MAPKAPK2: variants seen among roughly 807,000 people sequenced by gnomAD.
MAPKAPK2 encodes the protein MAPK activated protein kinase 2, also known as MAP kinase-activated protein kinase 2.
In MAPKAPK2, 9 loss-of-function variants were observed where a neutral mutation model predicts 48.8. The ratio of observed to expected loss-of-function variants is 0.18; its 90% CI spans 0.11 to 0.32. MAPKAPK2 has a LOEUF of 0.32. Ranked by LOEUF, MAPKAPK2 falls within the 10% of genes least tolerant of loss-of-function variation. MAPKAPK2 has a pLI of 1.00. For synonymous variants in MAPKAPK2, 202 were observed against 190.6 expected (o/e 1.06, Z -0.49); for missense variants, 331 against 498.3 (o/e 0.66, Z 3.20).
intron 5 of MAPKAPK2, 71 bp downstream of exon 5, chr1:206,730,169 TG>T: frequency 1.9e-6 from 3 of 1,581,980 alleles, no homozygotes; most frequent in Non-Finnish European, 2.6e-6. Flanking sequence ...CTTGGCTATC[TG>T]GGGGGCCGCA....
At chr1:206,729,611 G>C in intron 4 of MAPKAPK2, 136 bp downstream of exon 4, 1 of 791,270 alleles carries the variant, frequency 1.3e-6, no homozygotes, top group Non-Finnish European at 2.1e-6. Context: ...CTGCCTTGTA[G>C]GGCCTTGCCC....
rs534626664 is a variant in MAPKAPK2 at position 206,696,184 on chromosome 1, C to A, written c.279+10676C>A. Reference sequence around the variant, plus strand: ...GAAGGATGCAAAGATATGGCAGACACCAAATACATTCTCTCCTTCAGCCAC... The same window carrying A: ...GAAGGATGCAAAGATATGGCAGACAACAAATACATTCTCTCCTTCAGCCAC... On this transcript the variant is annotated intron_variant, in intron 1 of 9. Coordinates refer to ENST00000367103, the MANE Select transcript of MAPKAPK2 (RefSeq NM_032960.4). 5.0e-5 allele frequency: 78 copies of A among 1,553,626 alleles called. 1 individual carries two copies. In the East Asian group the frequency reaches 1.7e-3, roughly 33 times the overall value.
Position 206,728,736 on chromosome 1 carries a change from C to T in MAPKAPK2, c.306C>T (p.Arg102=), listed in dbSNP as rs782459290. ...LKMLQDCPKA[R]REVELHWRAS... is the part of the protein sequence containing the mutation. ...TGCTTCAGGACTGCCCCAAGGCCCG[C>T]AGGGAGGTGGAGCTGCACTGGCGGG... The change falls in exon 2 of 10, where the codon CGC becomes CGT. Residue 102 remains arginine (R), a synonymous_variant. Transcript: ENST00000367103. 3 of 1,614,118 alleles carry T rather than the reference C, an allele frequency of 1.9e-6. No homozygotes were observed. The highest frequency in any genetic ancestry group is 2.5e-6 in the Non-Finnish European group (3 of 1,180,020).
chr1:206,727,905 G>A (rs1673756581), intron 1 of MAPKAPK2, among the ~76,000 whole-genome samples: 1 of 152,150 alleles, frequency 6.6e-6, no homozygotes, highest in Admixed American at 6.5e-5. Context: ...TTACAGGCAC[G>A]AGCCACCGTG....
intron 1 of MAPKAPK2, among the ~76,000 whole-genome samples, chr1:206,697,104 T>C (rs1672652148): frequency 6.6e-6 from 1 of 152,256 alleles, no homozygotes; most frequent in African/African-American, 2.4e-5. Flanking sequence ...TCCTTCTCCC[T>C]GTTCCAAGGC....
rs1553432755 is a variant in MAPKAPK2 at position 206,731,880 on chromosome 1, G to A, written c.1020G>A (p.Arg340=). 6.2e-7 allele frequency: 1 copy of A among 1,614,162 alleles called. No homozygotes were observed. Residue 340 remains arginine (R), a synonymous_variant, in exon 9 of 10, where the codon CGG becomes CGA. Coordinates refer to ENST00000367103, the MANE Select transcript of MAPKAPK2 (RefSeq NM_032960.4). The surrounding 1 kb of genome is among the most constrained non-coding windows in gnomAD (Gnocchi z 5.9). ...KVPQTPLHTS[R]VLKEDKERWE... is the part of the protein sequence containing the mutation. ...CTCAAACCCCACTGCACACCAGCCG[G>A]GTCCTGAAGGAGGACAAGGAGCGGT...
rs1553432743 is a variant in MAPKAPK2, at chr1:206,731,809, T to G, written c.979-30T>G. 1.2e-6 allele frequency: 2 copies of G among 1,613,090 alleles called. No individual in the cohort carries two copies. The highest frequency in any genetic ancestry group is 1.7e-6 in the Non-Finnish European group (2 of 1,179,230). ...CTTAGCCAGGACCCTACCCCAGGCT[T>G]TCACTCGGACCCCTTTTCTCTCTTC... On this transcript the variant is annotated intron_variant, in intron 8 of 9. Transcript: ENST00000367103. This position sits in a 1 kb window ranked among gnomAD's most constrained non-coding sequence, Gnocchi z 5.9.
rs1412904675 is a variant in MAPKAPK2, at chr1:206,685,202, C to A, written c.-28C>A. ...AGGAGGGGGCGGCCGCGGGCACCCC[C>A]GCCTGTGCCCCGGCGTCCCCGGGCA... On this transcript the variant is annotated 5_prime_UTR_variant, in exon 1 of 10. Coordinates refer to ENST00000367103, the MANE Select transcript of MAPKAPK2 (RefSeq NM_032960.4). 1.9e-4 allele frequency: 63 copies of A among 338,560 alleles called. No individual in the cohort carries two copies. Among genetic ancestry groups the A allele is most frequent in the Non-Finnish European group, 2.2e-4 (42 of 195,158 alleles). The allele number at this position is 338,560 out of a possible 1,614,324, so 21.0% of individuals were successfully genotyped here. A position where few individuals can be genotyped will look rare whatever the true frequency, so the allele number is the denominator to read the frequency against.
At chr1:206,719,365 C>T (rs189725741) in intron 1 of MAPKAPK2, among the ~76,000 whole-genome samples, 3 of 152,322 alleles carry the variant, frequency 2.0e-5, no homozygotes, top group Admixed American at 2.0e-4. Flanking sequence ...TGTTTTAAGG[C>T]TTTTGGTACT....
At chr1:206,729,228 G>A in intron 3 of MAPKAPK2, 129 bp downstream of exon 3, 2 of 1,169,148 alleles carry the variant, frequency 1.7e-6, no homozygotes, top group Middle Eastern at 2.2e-4. Context: ...GCTGCAAGGG[G>A]TGCCTCAGCT....
intron 1 of MAPKAPK2, among the ~76,000 whole-genome samples, chr1:206,713,726 C>T (rs566940385): frequency 5.3e-5 from 8 of 152,178 alleles, no homozygotes; most frequent in Admixed American, 1.3e-4. Flanking sequence ...GTTAGCCAGG[C>T]GTGGTGGTGT....
At chr1:206,687,446 T>C (rs1672322843) in intron 1 of MAPKAPK2, among the ~76,000 whole-genome samples, 2 of 152,248 alleles carry the variant, frequency 1.3e-5, no homozygotes, top group African/African-American at 4.8e-5. Context: ...GTCAGTCTGT[T>C]TTGACAGGCA....
At chr1:206,728,651 G>T in intron 1 of MAPKAPK2, 59 bp from the exon 2 acceptor site, 1 of 1,567,304 alleles carries the variant, frequency 6.4e-7, no homozygotes. Context: ...ATGTGGGCCA[G>T]GGGCTTAGAG....
intron 6 of MAPKAPK2, 35 bp downstream of exon 6, chr1:206,730,798 G>T (rs1553432526): frequency 6.3e-7 from 1 of 1,585,816 alleles, no homozygotes; most frequent in Non-Finnish European, 8.7e-7. Flanking sequence ...GGTGGGGCAG[G>T]GAGTCAGGGC....
At chr1:206,723,214 C>T (rs1553431455) in intron 1 of MAPKAPK2, among the ~76,000 whole-genome samples, 1 of 152,204 alleles carries the variant, frequency 6.6e-6, no homozygotes, top group Non-Finnish European at 1.5e-5. Context: ...CCCCGTCTGT[C>T]CAGTGCCCAG....
In MAPKAPK2 at chr1:206,731,831, C is replaced by T. The variant is rs782285028; in HGVS notation, c.979-8C>T. ...GCTTTCACTCGGACCCCTTTTCTCT[C>T]TTCTCAGCAATCAACAAAGGTCCCT... is the stretch of plus-strand genomic sequence containing the variant. On this transcript the variant is annotated splice_polypyrimidine_tract_variant and splice_region_variant and intron_variant, in intron 8 of 9. Coordinates refer to ENST00000367103, the MANE Select transcript of MAPKAPK2 (RefSeq NM_032960.4). This position sits in a 1 kb window ranked among gnomAD's most constrained non-coding sequence, Gnocchi z 5.9. 6.2e-7 allele frequency: 1 copy of T among 1,614,104 alleles called. No homozygotes were observed. The highest frequency in any genetic ancestry group is 1.1e-5 in the South Asian group (1 of 91,072).
chr1:206,685,111 C>G lies in MAPKAPK2; in HGVS notation c.-119C>G, dbSNP rs1553425260. 1 of 204,092 alleles carries G rather than the reference C, an allele frequency of 4.9e-6. No individual in the cohort carries two copies. Among genetic ancestry groups the G allele is most frequent in the Non-Finnish European group, 9.6e-6 (1 of 104,222 alleles). The allele number at this position is 204,092 out of a possible 1,614,324, so 12.6% of individuals were successfully genotyped here. A position where few individuals can be genotyped will look rare whatever the true frequency, so the allele number is the denominator to read the frequency against. On this transcript the variant is annotated 5_prime_UTR_variant, in exon 1 of 10. Coordinates refer to ENST00000367103, the MANE Select transcript of MAPKAPK2 (RefSeq NM_032960.4). ...CTGGAGCCGGGCCGGGTCGGGGAAG[C>G]CGGCTCCAGCCCGGAGCGAACTTCG...
In MAPKAPK2 at chr1:206,722,314, C is replaced by T. The variant is rs192451940; in HGVS notation, c.280-6396C>T. On this transcript the variant is annotated intron_variant, in intron 1 of 9. Coordinates refer to ENST00000367103, the MANE Select transcript of MAPKAPK2 (RefSeq NM_032960.4). The stretch of plus-strand genomic sequence containing the variant: ...AGCGGAGCTTGCAGTGAGCGGAGAT[C>T]GTGCCACTGCACTCCAGCCTGGGCA... 1.9e-3 allele frequency among the ~76,000 whole-genome samples: 288 copies of T among 152,070 alleles called. 1 individual carries two copies. The highest frequency in any genetic ancestry group is 6.7e-3 in the African/African-American group (280 of 41,490).
chr1:206,699,022 TTTATGGGATAC>T (rs1672715864), intron 1 of MAPKAPK2, among the ~76,000 whole-genome samples: 1 of 152,236 alleles, frequency 6.6e-6, no homozygotes, highest in Non-Finnish European at 1.5e-5. Flanking sequence ...TTATCCAATA[TTTATGGGATAC>T]TTATTTTGTG....
Sources: allele counts gnomAD v4.1 joint callset (sites outside exome capture counted in the v4.1 genomes callset), GRCh38; gene constraint gnomAD v4.1.1; non-coding constraint Gnocchi (gnomAD v3.1); transcripts MANE v1.5; gene names NCBI Gene and HGNC (gene_info 2026-07-23, HGNC 2026-07-21).